The following STAM2 variants were observed in gnomAD, a reference collection of about 807,000 sequenced individuals.
STAM2 encodes the protein signal transducing adapter molecule 2.
In STAM2, 51 loss-of-function variants were observed where a neutral mutation model predicts 65.6. The ratio of observed to expected loss-of-function variants is 0.78; its 90% CI spans 0.62 to 0.98. The LOEUF (loss-of-function observed/expected upper bound fraction) is 0.98, where lower values mean the gene tolerates loss of function less well. STAM2 is among the 50% of genes least tolerant of loss of function. The pLI is 0.00. For synonymous variants in STAM2, 198 were observed against 208.4 expected (o/e 0.95, Z 0.43); for missense variants, 584 against 617.8 (o/e 0.95, Z 0.58).
chr2:152,132,282 T>C, intron 10 of STAM2, 114 bp from the exon 11 acceptor site: 2 of 658,286 alleles, frequency 3.0e-6, no homozygotes. Flanking sequence ...ACACACAGAT[T>C]AAGCTCATGC....
At chr2:152,154,963 G>A (rs1267340788) in intron 1 of STAM2, among the ~76,000 whole-genome samples, 1 of 137,760 alleles carries the variant, frequency 7.3e-6, no homozygotes, top group Non-Finnish European at 1.5e-5. Context: ...TTTCATATTG[G>A]TGACTCACAT....
rs1690002549 is a variant in STAM2 at position 152,175,575 on chromosome 2, G to A, written c.40+28C>T. ...ACAGCAGTCCAGGGCCAGGCACACAGCAGTCCAGGACCGGGCACAGCACTC... is the reference window on the plus strand; with the variant it reads ...ACAGCAGTCCAGGGCCAGGCACACAACAGTCCAGGACCGGGCACAGCACTC... On this transcript the variant is annotated intron_variant, in intron 1 of 13. Transcript: ENST00000263904. 4 of 1,613,710 alleles carry A rather than the reference G, an allele frequency of 2.5e-6. No individual in the cohort carries two copies. In the South Asian group the frequency reaches 4.4e-5, roughly 18 times the overall value.
At position 152,175,582 on chromosome 2, in the gene STAM2, AG is replaced by A. The variant is rs1428039968; in HGVS notation, c.40+20del. The A allele has an allele frequency of 1.2e-6, 2 of 1,613,932 alleles. No individual in the cohort carries two copies. The highest frequency in any genetic ancestry group is 1.7e-6 in the Non-Finnish European group (2 of 1,179,934). ...TCCAGGGCCAGGCACACAGCAGTCC[AG>A]GACCGGGCACAGCACTCACCCACGT... is the stretch of plus-strand genomic sequence containing the variant. On this transcript the variant is annotated intron_variant, in intron 1 of 13. Coordinates refer to ENST00000263904, the MANE Select transcript of STAM2 (RefSeq NM_005843.6).
chr2:152,160,701 G>A (rs1008450569), intron 1 of STAM2, among the ~76,000 whole-genome samples: 3 of 149,106 alleles, frequency 2.0e-5, no homozygotes, highest in Non-Finnish European at 3.0e-5. Context: ...GGGAGGTGGG[G>A]GGGTCAGCCC....
chr2:152,165,384 T>C (rs1380830971), intron 1 of STAM2, among the ~76,000 whole-genome samples: 3 of 151,660 alleles, frequency 2.0e-5, no homozygotes, highest in Non-Finnish European at 4.4e-5. Flanking sequence ...TGAGCCGAGA[T>C]AGCGCCACTG....
intron 11 of STAM2, among the ~76,000 whole-genome samples, chr2:152,130,995 CAAAA>C (rs11300791): frequency 2.1e-5 from 2 of 93,910 alleles, no homozygotes; most frequent in Non-Finnish European, 4.5e-5. Flanking sequence ...GACTCCATCT[CAAAA>C]AAAAAAAAAA....
At chr2:152,165,555 T>A (rs537666931) in intron 1 of STAM2, among the ~76,000 whole-genome samples, 2 of 152,164 alleles carry the variant, frequency 1.3e-5, no homozygotes, top group East Asian at 3.9e-4. Context: ...TTATGCACAC[T>A]CCGTATGCAC....
At chr2:152,124,551 G>A (rs548146641) in intron 12 of STAM2, 1 of 152,366 alleles carries the variant, frequency 6.6e-6, no homozygotes, top group South Asian at 2.1e-4. Context: ...ACATTTATAT[G>A]TGCCCTACTT....
intron 2 of STAM2, 74 bp downstream of exon 2, chr2:152,150,071 C>CA (rs1689413458): frequency 2.0e-6 from 2 of 1,019,042 alleles, no homozygotes; most frequent in Admixed American, 4.0e-5. Context: ...ATTTTCCTCT[C>CA]AAAGTTACAT....
At chr2:152,173,373 CATATATATATATATGTATACAT>C (rs1689935510) in intron 1 of STAM2, among the ~76,000 whole-genome samples, 1 of 98,122 alleles carries the variant, frequency 1.0e-5, no homozygotes. Context: ...CATATATATA[CATATATATATATATGTATACAT>C]ATATATATAT....
At chr2:152,122,076 ATGTGTGTGTG>A (rs997181475) in intron 13 of STAM2, among the ~76,000 whole-genome samples, 31 of 103,736 alleles carry the variant, frequency 3.0e-4, no homozygotes, top group Non-Finnish European at 4.4e-4. Context: ...ATATATATAT[ATGTGTGTGTG>A]TGTGTGTGTG....
intron 1 of STAM2, among the ~76,000 whole-genome samples, chr2:152,159,999 A>G (rs7369093): frequency 0.43 from 66,134 of 152,162 alleles, 16,031 homozygotes; most frequent in East Asian, 0.84. Flanking sequence ...CCGAGGTGCC[A>G]GGATTGCAGA....
intron 1 of STAM2, among the ~76,000 whole-genome samples, chr2:152,165,397 C>T (rs1180967605): frequency 6.6e-6 from 1 of 152,024 alleles, no homozygotes; most frequent in Non-Finnish European, 1.5e-5. Context: ...CGCCACTGCA[C>T]TCCAGCCTGG....
intron 1 of STAM2, among the ~76,000 whole-genome samples, chr2:152,158,203 G>A (rs573181535): frequency 1.0e-3 from 157 of 152,324 alleles, no homozygotes; most frequent in Admixed American, 1.6e-3. Context: ...TGGGCTGGGC[G>A]TGGTGGCTTA....
intron 10 of STAM2, among the ~76,000 whole-genome samples, chr2:152,132,725 C>T (rs369351543): frequency 1.3e-5 from 2 of 152,192 alleles, no homozygotes; most frequent in South Asian, 2.1e-4. Flanking sequence ...ATAAAAAACA[C>T]GTTTTAATTG....
At chr2:152,129,660 A>C (rs1052345267) in intron 11 of STAM2, among the ~76,000 whole-genome samples, 2 of 152,194 alleles carry the variant, frequency 1.3e-5, no homozygotes, top group Non-Finnish European at 2.9e-5. Flanking sequence ...GCATCCGTGC[A>C]CTCAACCAAC....
rs1302885784 is a variant in STAM2, at chr2:152,143,905, G to A, written c.626C>T (p.Ala209Val). Residue 209 changes from alanine to valine, a missense_variant, in exon 7 of 14, where the codon GCT becomes GTT. Physicochemically the swap from Ala to Val is moderately conservative, Grantham distance 64. Coordinates refer to ENST00000263904, the MANE Select transcript of STAM2 (RefSeq NM_005843.6). Reference protein sequence around the residue: ...LNNKVARKVRALYDFEAVEDN... With the variant: ...LNNKVARKVRVLYDFEAVEDN... ...CTCAACAGCTTCAAAATCATATAAA[G>A]CTCTCACTTTCCGTGCAACCTTATT... 6.2e-7 allele frequency: 1 copy of A among 1,613,736 alleles called. No homozygotes were observed.
At chr2:152,145,433 A>AT (rs754639411) in intron 5 of STAM2, among the ~76,000 whole-genome samples, 1 of 152,178 alleles carries the variant, frequency 6.6e-6, no homozygotes, top group Non-Finnish European at 1.5e-5. Context: ...AAAACATCAG[A>AT]TTTTTCAAGA....
chr2:152,135,482 T>C, intron 8 of STAM2, 27 bp downstream of exon 8: 25 of 1,480,832 alleles, frequency 1.7e-5, no homozygotes, highest in Non-Finnish European at 2.3e-5. Flanking sequence ...CTTAAATAGA[T>C]CTAATGTCGT....
Sources: gnomAD v4.1 joint callset for allele counts (sites outside exome capture counted in the v4.1 genomes callset) on GRCh38, gnomAD v4.1.1 for gene constraint, MANE v1.5 for transcripts, NCBI Gene and HGNC (gene_info 2026-07-23, HGNC 2026-07-21) for gene names.